The following ALG14 variants were observed in gnomAD, a reference collection of about 807,000 sequenced individuals.
The protein encoded by ALG14 is ALG14 UDP-N-acetylglucosaminyltransferase subunit.
Under a neutral mutation model 22.8 loss-of-function variants are expected in ALG14, and 17 were observed. That is an observed-to-expected ratio of 0.75 (90% confidence interval 0.51 to 1.12). ALG14 has a LOEUF of 1.12. Ranked by LOEUF, ALG14 falls within the 50% of genes most tolerant of loss-of-function variation. The probability of loss-of-function intolerance (pLI) is 0.00; values close to 1 mark genes in which losing one functional copy is unlikely to be tolerated. For synonymous variants in ALG14, 89 were observed against 103.7 expected (o/e 0.86, Z 0.86); for missense variants, 288 against 271.8 (o/e 1.06, Z -0.42).
At chr1:95,038,115 G>A (rs1214450660) in intron 2 of ALG14, among the ~76,000 whole-genome samples, 1 of 152,200 alleles carries the variant, frequency 6.6e-6, no homozygotes, top group Middle Eastern at 3.4e-3. Flanking sequence ...GCCAAGATAC[G>A]TGGATTGCCT....
At chr1:95,026,312 C>T (rs1391320607) in intron 3 of ALG14, among the ~76,000 whole-genome samples, 1 of 152,140 alleles carries the variant, frequency 6.6e-6, no homozygotes, top group African/African-American at 2.4e-5. Context: ...AAATGCCTTC[C>T]TCACTAAGCT....
Position 94,974,792 on chromosome 1 carries a change from T to C in ALG14, c.*8284A>G, listed in dbSNP as rs1438169358. On this transcript the variant is annotated 3_prime_UTR_variant, in exon 4 of 4. Transcript: ENST00000370205. ...GTGGAAAACTACTACCATTTAATCA[T>C]GCCTATGAACTCTGTGGATCAGCAA... 1.3e-5 allele frequency: 2 copies of C among 152,234 alleles called. No homozygotes were observed. The highest frequency in any genetic ancestry group is 1.3e-4 in the Admixed American group (2 of 15,278). The allele number at this position is 152,234 out of a possible 1,614,324, so 9.4% of individuals were successfully genotyped here.
At chr1:95,057,837 A>C (rs1378859311) in intron 2 of ALG14, among the ~76,000 whole-genome samples, 1 of 151,878 alleles carries the variant, frequency 6.6e-6, no homozygotes, top group Admixed American at 6.6e-5. Flanking sequence ...AATTCTAAGG[A>C]AAGAGAATCA....
intron 3 of ALG14, among the ~76,000 whole-genome samples, chr1:94,990,901 T>C (rs1168541637): frequency 6.6e-6 from 1 of 152,264 alleles, no homozygotes; most frequent in African/African-American, 2.4e-5. Flanking sequence ...GCCCAGTTGA[T>C]AAGTTCCCTC....
In ALG14 at chr1:94,974,510, T is replaced by A. The variant is rs991634345; in HGVS notation, c.*8566A>T. On this transcript the variant is annotated 3_prime_UTR_variant, in exon 4 of 4. Coordinates refer to ENST00000370205, the MANE Select transcript of ALG14 (RefSeq NM_144988.4). ...CCAACCATGTGCTTATTCATCTGCA[T>A]ATGGTTAAAGATTTAAAAGAATCCA... The A allele has an allele frequency of 3.9e-5, 6 of 152,168 alleles. No homozygotes were observed. The highest frequency in any genetic ancestry group is 1.4e-4 in the African/African-American group (6 of 41,430). 9.4% of individuals were successfully genotyped at this position (152,168 alleles called of 1,614,324 possible).
intron 1 of ALG14, among the ~76,000 whole-genome samples, chr1:95,070,134 T>A (rs957426030): frequency 6.6e-6 from 1 of 152,104 alleles, no homozygotes; most frequent in African/African-American, 2.4e-5. Context: ...CTACCCCACA[T>A]CCAGAAGGAA....
chr1:95,020,413 CT>C (rs113866057), intron 3 of ALG14, among the ~76,000 whole-genome samples: 58 of 148,618 alleles, frequency 3.9e-4, no homozygotes, highest in South Asian at 2.1e-3. Flanking sequence ...GTGTTTTAAT[CT>C]TTTTTTTTTC....
rs1212218224 is a variant in ALG14, at chr1:94,980,763, A to C, written c.*2313T>G. 6.6e-6 allele frequency: 1 copy of C among 152,260 alleles called. No individual in the cohort carries two copies. The highest frequency in any genetic ancestry group is 1.5e-5 in the Non-Finnish European group (1 of 68,052). 9.4% of individuals were successfully genotyped at this position (152,260 alleles called of 1,614,324 possible). Reference sequence around the variant, plus strand: ...ACATGTCTCAGCCTGGCTCTGAATGAGTACACAGCAGCCTGAACCTATGAA... The same window carrying C: ...ACATGTCTCAGCCTGGCTCTGAATGCGTACACAGCAGCCTGAACCTATGAA... On this transcript the variant is annotated 3_prime_UTR_variant, in exon 4 of 4. Transcript: ENST00000370205.
At chr1:95,056,824 C>T (rs911086293) in intron 2 of ALG14, among the ~76,000 whole-genome samples, 13 of 151,462 alleles carry the variant, frequency 8.6e-5, no homozygotes, top group East Asian at 4.2e-4. Flanking sequence ...TTTGGGAGGC[C>T]AAGGCGGGCG....
chr1:95,015,844 G>A (rs2100755069), intron 3 of ALG14, among the ~76,000 whole-genome samples: 1 of 152,322 alleles, frequency 6.6e-6, no homozygotes, highest in East Asian at 1.9e-4. Context: ...GAATACCATA[G>A]CATCCAAACT....
rs1041789227 is a variant in ALG14 at position 94,980,441 on chromosome 1, C to A, written c.*2635G>T. On this transcript the variant is annotated 3_prime_UTR_variant, in exon 4 of 4. Coordinates refer to ENST00000370205, the MANE Select transcript of ALG14 (RefSeq NM_144988.4). ...CAGGATGTGTGGTTTCCCTGCCTCT[C>A]ATTTGAAGACTGATTCAATTAATTT... 3 of 152,186 alleles carry A rather than the reference C, an allele frequency of 2.0e-5. No individual in the cohort carries two copies. Among genetic ancestry groups the A allele is most frequent in the Non-Finnish European group, 2.9e-5 (2 of 68,036 alleles). 9.4% of individuals were successfully genotyped at this position (152,186 alleles called of 1,614,324 possible).
chr1:95,056,578 G>A (rs1021063775), intron 2 of ALG14, among the ~76,000 whole-genome samples: 17 of 152,156 alleles, frequency 1.1e-4, no homozygotes, highest in Middle Eastern at 6.8e-3. Flanking sequence ...TGGGAAGATC[G>A]AGGCTGCAGT....
chr1:95,010,658 C>T (rs2100748714), intron 3 of ALG14, among the ~76,000 whole-genome samples: 1 of 152,190 alleles, frequency 6.6e-6, no homozygotes, highest in East Asian at 1.9e-4. Flanking sequence ...GGTGAAAATG[C>T]CCTTTATATT....
intron 3 of ALG14, among the ~76,000 whole-genome samples, chr1:94,991,314 C>T (rs1056748232): frequency 6.6e-6 from 1 of 152,188 alleles, no homozygotes; most frequent in Admixed American, 6.5e-5. Flanking sequence ...TAGGTGATTT[C>T]ACTGTGTGTG....
rs1672573562 is a variant in ALG14, at chr1:94,984,005, A to C, written c.421-699T>G. ...ATGATCTGCCCACTTCAGCCTCCCA[A>C]AGTGCTGGGATTACAGGCATGAGCC... On this transcript the variant is annotated intron_variant, in intron 3 of 3. Transcript: ENST00000370205. Among the ~76,000 whole-genome samples the C allele has an allele frequency of 2.0e-5, 3 of 151,928 alleles. No individual in the cohort carries two copies. The South Asian group carries it at 6.3e-4, about 32-fold the overall frequency.
chr1:95,026,462 A>ATGTGTGTGTGTG (rs141495807), intron 3 of ALG14, among the ~76,000 whole-genome samples: 181 of 142,350 alleles, frequency 1.3e-3, no homozygotes, highest in East Asian at 6.5e-3. Context: ...AGCCCAAGGA[A>ATGTGTGTGTGTG]TGTGTGTGTG....
At position 94,979,412 on chromosome 1, in the gene ALG14, A is replaced by G. The variant is rs916322502; in HGVS notation, c.*3664T>C. ...ACAAAATCATTCATTTGTTCCTTCCACAGGTGTTTCCTCAGTTCCTCAATA... is the reference window on the plus strand; with the variant it reads ...ACAAAATCATTCATTTGTTCCTTCCGCAGGTGTTTCCTCAGTTCCTCAATA... On this transcript the variant is annotated 3_prime_UTR_variant, in exon 4 of 4. Transcript: ENST00000370205. 6.6e-6 allele frequency: 1 copy of G among 151,940 alleles called. No homozygotes were observed. The highest frequency in any genetic ancestry group is 2.4e-5 in the African/African-American group (1 of 41,354). 9.4% of individuals were successfully genotyped at this position (151,940 alleles called of 1,614,324 possible).
chr1:95,065,986 ACACC>A (rs1398813134), intron 1 of ALG14, among the ~76,000 whole-genome samples: 3 of 152,170 alleles, frequency 2.0e-5, no homozygotes, highest in African/African-American at 7.2e-5. Context: ...GAGCCCTATC[ACACC>A]CATTTCAGTC....
chr1:95,024,301 A>G (rs1673751630), intron 3 of ALG14, among the ~76,000 whole-genome samples: 1 of 152,126 alleles, frequency 6.6e-6, no homozygotes. Context: ...TCTATTTTCA[A>G]CTGAATTAAT....
Sources: allele counts gnomAD v4.1 joint callset (sites outside exome capture counted in the v4.1 genomes callset), GRCh38; gene constraint gnomAD v4.1.1; transcripts MANE v1.5; gene names NCBI Gene and HGNC (gene_info 2026-07-23, HGNC 2026-07-21).